RGL1: variants seen among roughly 807,000 people sequenced by gnomAD.
The protein encoded by RGL1 is ral guanine nucleotide dissociation stimulator like 1, also known as ral guanine nucleotide dissociation stimulator-like 1.
RGL1 carries 24 observed loss-of-function variants against 95.2 expected under a neutral mutation model. The ratio of observed to expected loss-of-function variants is 0.25; its 90% confidence interval spans 0.18 to 0.35. The LOEUF is 0.35. RGL1 is among the 10% of genes least tolerant of loss of function. The pLI, the probability that RGL1 is intolerant of heterozygous loss-of-function variation, is 1.00. For synonymous variants in RGL1, 329 were observed against 344.9 expected (o/e 0.95, Z 0.51); for missense variants, 715 against 936.3 (o/e 0.76, Z 3.08).
At chr1:183,892,025 C>A in intron 8 of RGL1, 52 bp from the exon 9 acceptor site, 4 of 1,425,206 alleles carry the variant, frequency 2.8e-6, no homozygotes, top group South Asian at 2.3e-5. Flanking sequence ...CCAAAAGTGT[C>A]GGGTTATTCC....
At chr1:183,766,339 CT>C (rs142084765) in intron 2 of RGL1, among the ~76,000 whole-genome samples, 56 of 146,466 alleles carry the variant, frequency 3.8e-4, no homozygotes, top group Middle Eastern at 3.5e-3. Context: ...GAATGTCTCA[CT>C]TTTTTTTTTT....
Position 183,871,322 on chromosome 1 carries a change from G to C in RGL1, c.425+5249G>C, listed in dbSNP as rs577651323. 2.6e-5 allele frequency among the ~76,000 whole-genome samples: 4 copies of C among 152,324 alleles called. No individual in the cohort carries two copies. In the South Asian group the frequency reaches 8.3e-4, roughly 32 times the overall value. On this transcript the variant is annotated intron_variant, in intron 4 of 17. Transcript: ENST00000360851. ...AGCTGAGCTAAAGCATTGTCTTGTG[G>C]GAGTAAGGCAAGGAGTGGCAAAATG...
At chr1:183,924,799 C>CAAAAAAAA (rs758747749) in intron 17 of RGL1, among the ~76,000 whole-genome samples, 4 of 111,116 alleles carry the variant, frequency 3.6e-5, no homozygotes, top group Non-Finnish European at 8.0e-5. Context: ...CAAAAAAATA[C>CAAAAAAAA]AAAAAAAAAA....
At chr1:183,709,692 T>G (rs1655144611) in intron 1 of RGL1, 1 of 215,496 alleles carries the variant, frequency 4.6e-6, no homozygotes, top group Non-Finnish European at 9.9e-6. Context: ...CTAGTGATCA[T>G]GTGTTGTGGA....
At chr1:183,896,939 T>C (rs938254444) in intron 9 of RGL1, among the ~76,000 whole-genome samples, 2 of 152,188 alleles carry the variant, frequency 1.3e-5, no homozygotes, top group African/African-American at 2.4e-5. Context: ...AGTTCGACTT[T>C]TATGGATTGG....
intron 1 of RGL1, among the ~76,000 whole-genome samples, chr1:183,643,718 T>A (rs1226459577): frequency 3.9e-5 from 6 of 152,218 alleles, no homozygotes; most frequent in Non-Finnish European, 8.8e-5. Flanking sequence ...CCCAAAGTGC[T>A]AGGATTACAG....
intron 1 of RGL1, among the ~76,000 whole-genome samples, chr1:183,677,722 G>C (rs1207848155): frequency 6.6e-6 from 1 of 152,112 alleles, no homozygotes. Flanking sequence ...CCTCAAATTA[G>C]GGGTGTTGTG....
At chr1:183,769,583 A>ATG (rs1659172931) in intron 2 of RGL1, among the ~76,000 whole-genome samples, 2 of 152,272 alleles carry the variant, frequency 1.3e-5, no homozygotes, top group South Asian at 4.1e-4. Flanking sequence ...TACACAATAC[A>ATG]TAAACATGTA....
intron 16 of RGL1, among the ~76,000 whole-genome samples, chr1:183,917,300 G>T (rs1425883888): frequency 1.3e-5 from 2 of 152,188 alleles, no homozygotes; most frequent in Non-Finnish European, 2.9e-5. Flanking sequence ...GAGGACAATT[G>T]CAAAGATATT....
chr1:183,848,926 T>G (rs997326221), intron 3 of RGL1, among the ~76,000 whole-genome samples: 1 of 152,178 alleles, frequency 6.6e-6, no homozygotes, highest in Non-Finnish European at 1.5e-5. Context: ...CCCACACTTT[T>G]GGGTGTATAG....
At chr1:183,771,094 C>T (rs1003319911) in intron 2 of RGL1, among the ~76,000 whole-genome samples, 2 of 152,288 alleles carry the variant, frequency 1.3e-5, no homozygotes, top group Non-Finnish European at 2.9e-5. Context: ...AAAGGCAAAA[C>T]TTCTCCAAGA....
intron 1 of RGL1, among the ~76,000 whole-genome samples, chr1:183,675,779 G>A (rs754948335): frequency 4.2e-4 from 64 of 152,208 alleles, no homozygotes; most frequent in Non-Finnish European, 5.1e-4. Flanking sequence ...ACCATAAAGA[G>A]CAGTATTTTT....
upstream of RGL1, among the ~76,000 whole-genome samples, chr1:183,804,243 A>G (rs1661148671): frequency 6.6e-6 from 1 of 152,000 alleles, no homozygotes; most frequent in Non-Finnish European, 1.5e-5. Flanking sequence ...TAGGGTGAAT[A>G]GTATGAAAGA....
At chr1:183,877,536 A>G (rs1283780516) in intron 4 of RGL1, among the ~76,000 whole-genome samples, 1 of 152,202 alleles carries the variant, frequency 6.6e-6, no homozygotes, top group South Asian at 2.1e-4. Flanking sequence ...CTTTCCAGAA[A>G]GCTTCCCTGC....
intron 1 of RGL1, among the ~76,000 whole-genome samples, chr1:183,702,029 T>C (rs1370123329): frequency 6.6e-6 from 1 of 152,240 alleles, no homozygotes; most frequent in Admixed American, 6.5e-5. Flanking sequence ...TTGGCTACTT[T>C]GTCAAAACTC....
Position 183,924,194 on chromosome 1 carries a change from A to G in RGL1, c.2119+1858A>G, listed in dbSNP as rs138986310. Among the ~76,000 whole-genome samples the G allele has an allele frequency of 3.9e-5, 6 of 152,360 alleles. No homozygotes were observed. In the East Asian group the frequency reaches 7.7e-4, roughly 20 times the overall value. On this transcript the variant is annotated intron_variant, in intron 17 of 17. Transcript: ENST00000360851. Reference sequence around the variant, plus strand: ...TATGTTTATTGCAGCACTATTCACAATAGCAAAACCTGGAACCAACGCAAA... The same window carrying G: ...TATGTTTATTGCAGCACTATTCACAGTAGCAAAACCTGGAACCAACGCAAA...
At chr1:183,773,657 G>C (rs1659423804) in intron 2 of RGL1, among the ~76,000 whole-genome samples, 3 of 152,160 alleles carry the variant, frequency 2.0e-5, no homozygotes, top group African/African-American at 7.2e-5. Flanking sequence ...GACAACAAAA[G>C]CAAATAGCCT....
In RGL1 at chr1:183,894,017, G is replaced by A. The variant is rs148409005; in HGVS notation, c.1140+1856G>A. Among the ~76,000 whole-genome samples, 139 of 152,308 alleles carry A rather than the reference G, an allele frequency of 9.1e-4. 1 individual carries two copies. The highest frequency in any genetic ancestry group is 3.2e-3 in the African/African-American group (133 of 41,564). On this transcript the variant is annotated intron_variant, in intron 9 of 17. Coordinates refer to ENST00000360851, the MANE Select transcript of RGL1 (RefSeq NM_001297671.3). The stretch of plus-strand genomic sequence containing the variant: ...CAGTATGTGCTGATGTCTGACTTTG[G>A]ATTTGGACTACCTGATTAACTGCAC...
At chr1:183,715,853 C>T (rs1655593525) in intron 1 of RGL1, among the ~76,000 whole-genome samples, 1 of 152,050 alleles carries the variant, frequency 6.6e-6, no homozygotes, top group Non-Finnish European at 1.5e-5. Flanking sequence ...CTAGAATCTG[C>T]AGTTGGCAAG....
Sources: gnomAD v4.1 joint callset for allele counts (sites outside exome capture counted in the v4.1 genomes callset) on GRCh38, gnomAD v4.1.1 for gene constraint, MANE v1.5 for transcripts, NCBI Gene and HGNC (gene_info 2026-07-23, HGNC 2026-07-21) for gene names.